Variants in SRP54 observed in about 807,000 individuals in gnomAD.
SRP54 encodes the protein signal recognition particle subunit SRP54.
A neutral mutation model predicts 64.8 loss-of-function variants in SRP54; 10 were observed. The observed-to-expected ratio is 0.15, with a 90% CI of 0.10 to 0.26. The LOEUF is 0.26. Ranked by LOEUF, SRP54 falls within the 10% of genes least tolerant of loss-of-function variation. The pLI is 1.00. For synonymous variants in SRP54, 193 were observed against 185.6 expected, an observed-to-expected ratio of 1.04 and a Z score of -0.32; for missense variants, 325 against 613.7, an observed-to-expected ratio of 0.53 and a Z score of 4.97.
At chr14:34,991,792 A>G (rs560405213) in intron 1 of SRP54, among the ~76,000 whole-genome samples, 25 of 152,142 alleles carry the variant, frequency 1.6e-4, no homozygotes, top group Admixed American at 1.4e-3. Flanking sequence ...GTGCAATGGA[A>G]GTCATTGAGA....
At chr14:34,994,701 C>T (rs1442973453) in intron 1 of SRP54, among the ~76,000 whole-genome samples, 1 of 152,158 alleles carries the variant, frequency 6.6e-6, no homozygotes, top group East Asian at 1.9e-4. Flanking sequence ...AAATTCTACT[C>T]TTATTTCAGG....
At chr14:34,994,170 T>G (rs2044028800) in intron 1 of SRP54, among the ~76,000 whole-genome samples, 1 of 151,984 alleles carries the variant, frequency 6.6e-6, no homozygotes, top group African/African-American at 2.4e-5. Context: ...ATTTTTTTTT[T>G]GTATTTTTAG....
At chr14:34,993,712 G>A (rs569756118) in intron 1 of SRP54, among the ~76,000 whole-genome samples, 4 of 151,796 alleles carry the variant, frequency 2.6e-5, no homozygotes, top group Non-Finnish European at 5.9e-5. Context: ...TTTATTTATT[G>A]AGATGGAGTT....
intron 14 of SRP54, among the ~76,000 whole-genome samples, chr14:35,023,336 T>G (rs1019887907): frequency 6.6e-6 from 1 of 151,990 alleles, no homozygotes; most frequent in Non-Finnish European, 1.5e-5. Context: ...TGTGAACACA[T>G]TATATTAAAT....
At chr14:34,990,610 G>A (rs959937145) in intron 1 of SRP54, among the ~76,000 whole-genome samples, 3 of 152,180 alleles carry the variant, frequency 2.0e-5, no homozygotes, top group Admixed American at 1.3e-4. Flanking sequence ...TCTATAAATC[G>A]TTTTAGTTAG....
intron 1 of SRP54, among the ~76,000 whole-genome samples, chr14:34,996,450 G>C (rs543085934): frequency 1.3e-5 from 2 of 152,248 alleles, no homozygotes; most frequent in Non-Finnish European, 2.9e-5. Flanking sequence ...TGTTAAATTT[G>C]CTGATTCATA....
intron 13 of SRP54, 99 bp from the exon 14 acceptor site, chr14:35,022,811 A>C: frequency 1.1e-6 from 1 of 923,216 alleles, no homozygotes; most frequent in Non-Finnish European, 1.5e-6. Context: ...CTTTAAAAAC[A>C]TCTGCTAAGC....
chr14:34,986,097 G>A (rs986809950), intron 1 of SRP54, among the ~76,000 whole-genome samples: 3 of 151,872 alleles, frequency 2.0e-5, no homozygotes, highest in East Asian at 1.9e-4. Flanking sequence ...GATTCCCAGT[G>A]TTCCTGAGTT....
At chr14:35,006,181 T>G (rs988896525) in intron 4 of SRP54, among the ~76,000 whole-genome samples, 2 of 152,200 alleles carry the variant, frequency 1.3e-5, no homozygotes, top group Non-Finnish European at 2.9e-5. Flanking sequence ...TGTCCCTATA[T>G]GAACCTCAGT....
chr14:35,011,945 A>G (rs1475182717), intron 8 of SRP54, among the ~76,000 whole-genome samples: 2 of 152,180 alleles, frequency 1.3e-5, no homozygotes, highest in African/African-American at 2.4e-5. Flanking sequence ...TAGGCCGGGT[A>G]TGGTGGCTCA....
chr14:34,987,576 G>C (rs182237995), intron 1 of SRP54, among the ~76,000 whole-genome samples: 232 of 151,960 alleles, frequency 1.5e-3, no homozygotes, highest in African/African-American at 5.3e-3. Flanking sequence ...CTTATGTTTC[G>C]AAGATTAATC....
intron 8 of SRP54, among the ~76,000 whole-genome samples, 160 bp downstream of exon 8, chr14:35,011,819 T>A (rs1336709598): frequency 6.6e-6 from 1 of 152,244 alleles, no homozygotes; most frequent in African/African-American, 2.4e-5. Flanking sequence ...GGTAGGGACT[T>A]AATTTCATTA....
chr14:34,995,576 T>A (rs1012823695), intron 1 of SRP54, among the ~76,000 whole-genome samples: 4 of 152,152 alleles, frequency 2.6e-5, no homozygotes, highest in Non-Finnish European at 5.9e-5. Context: ...TTGTTTATCA[T>A]CCATAAGCCC....
chr14:35,003,746 C>G (rs1460956956), intron 4 of SRP54, among the ~76,000 whole-genome samples: 3 of 150,386 alleles, frequency 2.0e-5, no homozygotes, highest in Admixed American at 2.0e-4. Context: ...CCAGCCTGAG[C>G]AACATGGTGA....
rs573952992 is a variant in SRP54, at chr14:35,013,550, G to A, written c.785+56G>A. ...CTTGGGATTATATGGGGAAGGATAT[G>A]TGTTTATAGCTTTCATATTGATCAT... On this transcript the variant is annotated intron_variant, in intron 9 of 15. Transcript: ENST00000216774. 424 of 1,532,924 alleles carry A rather than the reference G, an allele frequency of 2.8e-4. 4 individuals are homozygous for A. The South Asian group carries it at 4.5e-3, about 16-fold the overall frequency. The allele number at this position is 1,532,924 out of a possible 1,614,324, so 95.0% of individuals were successfully genotyped here. A position where few individuals can be genotyped will look rare whatever the true frequency, so the allele number is the denominator to read the frequency against.
rs913957746 is a variant in SRP54, at chr14:34,984,556, C to T, written c.-34+1341C>T. Among the ~76,000 whole-genome samples the T allele has an allele frequency of 5.9e-5, 9 of 152,314 alleles. No homozygotes were observed. In the East Asian group the frequency reaches 1.4e-3, roughly 23 times the overall value. ...TTGCTCTGTCGCCCAGACTGGAGTA[C>T]CGAGGCACCATCTCGGCTCACTGCA... On this transcript the variant is annotated intron_variant, in intron 1 of 15. Coordinates refer to ENST00000216774, the MANE Select transcript of SRP54 (RefSeq NM_003136.4).
intron 13 of SRP54, 150 bp from the exon 14 acceptor site, chr14:35,022,760 A>G: frequency 1.9e-6 from 1 of 520,446 alleles, no homozygotes; most frequent in Non-Finnish European, 3.2e-6. Context: ...TCTGTATGTA[A>G]GATATTTTGT....
chr14:35,026,173 T>TCAGA (rs538477121), intron 14 of SRP54, among the ~76,000 whole-genome samples: 52,462 of 151,658 alleles, frequency 0.35, 9,674 homozygotes, highest in East Asian at 0.69. Context: ...ATTCTGTTGT[T>TCAGA]GTTTTTTTAT....
intron 11 of SRP54, among the ~76,000 whole-genome samples, 185 bp downstream of exon 11, chr14:35,015,015 T>C (rs542595970): frequency 6.6e-6 from 1 of 152,314 alleles, no homozygotes; most frequent in Admixed American, 6.5e-5. Context: ...CAGAATTCAG[T>C]GTTTTTATTT....
Sources: gnomAD v4.1 joint callset for allele counts (sites outside exome capture counted in the v4.1 genomes callset) on GRCh38, gnomAD v4.1.1 for gene constraint, MANE v1.5 for transcripts, NCBI Gene and HGNC (gene_info 2026-07-23, HGNC 2026-07-21) for gene names.